Variants in RBFOX1 observed in about 807,000 individuals in gnomAD.
RBFOX1 encodes the protein RNA binding protein fox-1 homolog 1.
In RBFOX1, 8 loss-of-function variants were observed where a neutral mutation model predicts 57.7. The ratio of observed to expected loss-of-function variants is 0.14; its 90% CI spans 0.08 to 0.25. The LOEUF is 0.25. Among genes scored for constraint, RBFOX1 ranks in the 10% least tolerant of loss-of-function variants. The probability of loss-of-function intolerance (pLI) is 1.00; values close to 1 mark genes in which losing one functional copy is unlikely to be tolerated. For missense variants in RBFOX1, 611 were observed against 548.5 expected (o/e 1.11, Z -1.14); for synonymous variants, 326 against 222.4 (o/e 1.47, Z -4.15).
intron 11 of RBFOX1, among the ~76,000 whole-genome samples, chr16:7,642,162 C>G (rs1007491236): frequency 6.6e-6 from 1 of 152,168 alleles, no homozygotes; most frequent in African/African-American, 2.4e-5. Flanking sequence ...AGTCCAGTGA[C>G]TGGACTGGTG....
chr16:6,383,746 G>A (rs2092023588), intron 2 of RBFOX1, among the ~76,000 whole-genome samples: 1 of 151,926 alleles, frequency 6.6e-6, no homozygotes, highest in African/African-American at 2.4e-5. Context: ...CTCCAGCCTG[G>A]GCGACAGTGC....
intron 2 of RBFOX1, among the ~76,000 whole-genome samples, chr16:5,496,821 A>G (rs1328736405): frequency 1.3e-5 from 2 of 152,238 alleles, no homozygotes; most frequent in African/African-American, 2.4e-5. Flanking sequence ...TAAAAAGTGC[A>G]TAAACCACAG....
rs111272440 is a variant in RBFOX1, at chr16:5,992,090, T to G, written c.351+124755T>G. Among the ~76,000 whole-genome samples the G allele has an allele frequency of 7.9e-3, 1,199 of 152,294 alleles. 21 individuals carry two copies. Among genetic ancestry groups the G allele is most frequent in the African/African-American group, 0.028 (1,174 of 41,574 alleles). On this transcript the variant is annotated intron_variant, in intron 4 of 19. Transcript: ENST00000641259. ...AAGGAGAGATGAACTGTAAAAATCC[T>G]TCACCAAACTGTGATCTTTGGGAAT...
At chr16:5,338,396 T>C (rs1281933548) in intron 1 of RBFOX1, among the ~76,000 whole-genome samples, 1 of 152,076 alleles carries the variant, frequency 6.6e-6, no homozygotes, top group East Asian at 1.9e-4. Flanking sequence ...GAACTGTGAG[T>C]TGACCTTTCT....
At chr16:7,288,380 A>T (rs576958349) in intron 4 of RBFOX1, among the ~76,000 whole-genome samples, 1 of 152,322 alleles carries the variant, frequency 6.6e-6, no homozygotes, top group African/African-American at 2.4e-5. Flanking sequence ...CAGGGTGTAC[A>T]TTTAAATAAG....
At chr16:7,132,385 C>G (rs968316355) in intron 4 of RBFOX1, among the ~76,000 whole-genome samples, 2 of 150,360 alleles carry the variant, frequency 1.3e-5, no homozygotes, top group Non-Finnish European at 2.9e-5. Flanking sequence ...ATGGAAGCAA[C>G]CTAAAGGTCC....
chr16:6,589,877 T>A (rs1048747020), intron 2 of RBFOX1, among the ~76,000 whole-genome samples: 5 of 152,206 alleles, frequency 3.3e-5, no homozygotes, highest in African/African-American at 1.2e-4. Flanking sequence ...TTTCACTGTT[T>A]CGATTTCCTC....
chr16:6,584,122 T>G (rs1312613363), intron 2 of RBFOX1, among the ~76,000 whole-genome samples: 1 of 151,874 alleles, frequency 6.6e-6, no homozygotes, highest in Non-Finnish European at 1.5e-5. Context: ...AGTCAGAGTC[T>G]CCTAATGTAT....
chr16:5,956,678 A>ATATATATATATATATATATTTTT (rs368096576), intron 4 of RBFOX1, among the ~76,000 whole-genome samples: 1 of 116,504 alleles, frequency 8.6e-6, no homozygotes, highest in African/African-American at 3.5e-5. Context: ...ATATATATAT[A>ATATATATATATATATATATTTTT]TTTTTTTTGA....
intron 2 of RBFOX1, among the ~76,000 whole-genome samples, chr16:6,645,080 T>G (rs2098523032): frequency 1.3e-5 from 2 of 152,202 alleles, no homozygotes; most frequent in South Asian, 2.1e-4. Flanking sequence ...TCTTTGCCTC[T>G]TCCAGTGTCT....
chr16:7,007,004 T>C (rs1408940311), intron 3 of RBFOX1, among the ~76,000 whole-genome samples: 3 of 152,158 alleles, frequency 2.0e-5, no homozygotes, highest in Non-Finnish European at 4.4e-5. Context: ...AAATAACAAA[T>C]ACATATGATC....
At chr16:5,783,743 C>G (rs770019891) in intron 3 of RBFOX1, among the ~76,000 whole-genome samples, 52 of 152,202 alleles carry the variant, frequency 3.4e-4, no homozygotes, top group Non-Finnish European at 1.0e-4. Context: ...TGTGCCAAAA[C>G]TTACCAAAAA....
Position 7,274,376 on chromosome 16 carries a change from A to G in RBFOX1, c.27+222278A>G, listed in dbSNP as rs114785430. On this transcript the variant is annotated intron_variant, in intron 4 of 15. Transcript: ENST00000550418. ...GTTTAACTGCTTTGCTCAGAGATAC[A>G]CAATAAAGAAGAGATGAAACTGTAA... 5.2e-3 allele frequency among the ~76,000 whole-genome samples: 794 copies of G among 152,284 alleles called. 9 individuals are homozygous for G. The highest frequency in any genetic ancestry group is 0.018 in the African/African-American group (744 of 41,558).
chr16:6,820,871 T>A (rs1197091860), intron 3 of RBFOX1, among the ~76,000 whole-genome samples: 3 of 152,186 alleles, frequency 2.0e-5, no homozygotes, highest in Non-Finnish European at 2.9e-5. Flanking sequence ...ACCCATAGTG[T>A]TGCTGTTTTT....
intron 1 of RBFOX1, among the ~76,000 whole-genome samples, chr16:6,023,157 A>G (rs2095117524): frequency 6.6e-6 from 1 of 152,056 alleles, no homozygotes; most frequent in South Asian, 2.1e-4. Flanking sequence ...CATCACCCTG[A>G]AGCTACAGAG....
chr16:7,019,147 C>T (rs374022781), intron 3 of RBFOX1, among the ~76,000 whole-genome samples: 1 of 151,656 alleles, frequency 6.6e-6, no homozygotes, highest in Non-Finnish European at 1.5e-5. Context: ...TGAAAATAAC[C>T]ATTCCTTTGT....
At chr16:7,622,398 G>A (rs1054508297) in intron 10 of RBFOX1, among the ~76,000 whole-genome samples, 2 of 152,166 alleles carry the variant, frequency 1.3e-5, no homozygotes, top group Non-Finnish European at 2.9e-5. Flanking sequence ...AACTCTTATT[G>A]TTAGGTTTAT....
At chr16:7,048,959 T>C (rs1232388738) in intron 3 of RBFOX1, among the ~76,000 whole-genome samples, 1 of 152,178 alleles carries the variant, frequency 6.6e-6, no homozygotes, top group Non-Finnish European at 1.5e-5. Flanking sequence ...CTGTTGGGTG[T>C]CTCCCATATA....
At chr16:6,102,620 A>G (rs1262698564) in intron 1 of RBFOX1, among the ~76,000 whole-genome samples, 1 of 151,604 alleles carries the variant, frequency 6.6e-6, no homozygotes, top group African/African-American at 2.4e-5. Context: ...CTCTCCTTTT[A>G]TCTACCTCTC....
Sources: allele counts gnomAD v4.1 joint callset (sites outside exome capture counted in the v4.1 genomes callset), GRCh38; gene constraint gnomAD v4.1.1; transcripts MANE v1.5; gene names NCBI Gene and HGNC (gene_info 2026-07-23, HGNC 2026-07-21).